NUF2: variants seen among roughly 807,000 people sequenced by gnomAD.
The protein encoded by NUF2 is kinetochore protein Nuf2.
A neutral mutation model predicts 61.8 loss-of-function variants in NUF2; 34 were observed. The observed-to-expected ratio is 0.55, with a 90% CI of 0.42 to 0.73. The LOEUF (loss-of-function observed/expected upper bound fraction) is 0.73. Among genes scored for constraint, NUF2 ranks in the 30% least tolerant of loss-of-function variants. NUF2 has a pLI of 0.00. For missense variants in NUF2, 445 were observed against 539.1 expected (o/e 0.83, Z 1.73); for synonymous variants, 172 against 181.6 (o/e 0.95, Z 0.42).
chr1:163,345,546 A>C, intron 10 of NUF2, 132 bp from the exon 11 acceptor site: 1 of 739,926 alleles, frequency 1.4e-6, no homozygotes, highest in Non-Finnish European at 2.2e-6. Flanking sequence ...CTGACCTAGA[A>C]ATTTAATTGT....
chr1:163,328,809 A>G (rs776745859), intron 4 of NUF2, 37 bp from the exon 5 acceptor site: 54 of 1,316,400 alleles, frequency 4.1e-5, no homozygotes, highest in Non-Finnish European at 5.9e-5. Context: ...AATGTGCAAA[A>G]TACTTTTCAA....
Position 163,323,724 on chromosome 1 carries a change from G to GA in NUF2, c.-21+1521dup, listed in dbSNP as rs201121370. Among the ~76,000 whole-genome samples, 403 of 150,406 alleles carry GA rather than the reference G, an allele frequency of 2.7e-3. 4 individuals are homozygous for GA. The highest frequency in any genetic ancestry group is 0.01 in the Middle Eastern group (3 of 292). On this transcript the variant is annotated intron_variant, in intron 1 of 13. Transcript: ENST00000271452. Reference sequence around the variant, plus strand: ...TGACAAACTGAGACCCTGCCTCAAAGAAAAAAAAATAGACAAAACGTCCTA... The same window carrying GA: ...TGACAAACTGAGACCCTGCCTCAAAGAAAAAAAAAATAGACAAAACGTCCTA...
chr1:163,328,882 T>G lies in NUF2; in HGVS notation c.312T>G (p.Phe104Leu). Residue 104 changes from phenylalanine to leucine, a missense_variant, in exon 5 of 14, where the codon TTT becomes TTG. Transcript: ENST00000271452. ...SFLPICRVND[F>L]ETADILCPKA... is the part of the protein sequence containing the mutation. ...TGCCTATCTGCCGGGTGAATGACTT[T>G]GAGACTGCTGATATTCTATGTCCAA... 6.2e-7 allele frequency: 1 copy of G among 1,605,946 alleles called. No homozygotes were observed. Among genetic ancestry groups the G allele is most frequent in the Non-Finnish European group, 8.5e-7 (1 of 1,173,278 alleles).
At chr1:163,339,348 G>A (rs768503406) in intron 7 of NUF2, 33 bp from the exon 8 acceptor site, 2 of 1,294,634 alleles carry the variant, frequency 1.5e-6, no homozygotes, top group Non-Finnish European at 2.2e-6. Context: ...CAAAAGTGAA[G>A]AGCAGTATTT....
At chr1:163,323,561 C>T (rs867651208) in intron 1 of NUF2, among the ~76,000 whole-genome samples, 5 of 151,954 alleles carry the variant, frequency 3.3e-5, no homozygotes, top group Non-Finnish European at 7.4e-5. Flanking sequence ...TCCACACACA[C>T]ACAAATTAAC....
chr1:163,327,100 ACACACACACACACACACACAC>A (rs1411981014), intron 2 of NUF2, among the ~76,000 whole-genome samples: 48 of 145,310 alleles, frequency 3.3e-4, no homozygotes, highest in African/African-American at 9.5e-4. Flanking sequence ...TCCTGTGTTC[ACACACACACACACACACACAC>A]ACACACACAC....
chr1:163,326,243 T>A, intron 2 of NUF2, 69 bp downstream of exon 2: 1 of 1,491,706 alleles, frequency 6.7e-7, no homozygotes, highest in South Asian at 1.3e-5. Flanking sequence ...AGGTCTATTG[T>A]GTGGCAAGAA....
chr1:163,349,920 T>C (rs921368016), intron 13 of NUF2, among the ~76,000 whole-genome samples: 7 of 152,082 alleles, frequency 4.6e-5, no homozygotes, highest in Admixed American at 6.5e-5. Context: ...GTTTTTTTTT[T>C]TCTATACCTC....
intron 8 of NUF2, 105 bp from the exon 9 acceptor site, chr1:163,340,259 C>T: frequency 1.2e-6 from 1 of 818,898 alleles, no homozygotes; most frequent in East Asian, 2.5e-5. Flanking sequence ...AATATCTGAT[C>T]TAACACATTT....
At chr1:163,333,496 T>G (rs1334657800) in intron 5 of NUF2, among the ~76,000 whole-genome samples, 1 of 152,018 alleles carries the variant, frequency 6.6e-6, no homozygotes, top group Non-Finnish European at 1.5e-5. Flanking sequence ...CTCCATTTCC[T>G]GCCTTATTTT....
chr1:163,352,923 G>T (rs901512887), intron 13 of NUF2, among the ~76,000 whole-genome samples: 1 of 151,814 alleles, frequency 6.6e-6, no homozygotes, highest in African/African-American at 2.4e-5. Flanking sequence ...AGGTCCAGTA[G>T]AAACTATGTC....
At chr1:163,327,400 C>T (rs1650459205) in intron 2 of NUF2, 88 bp from the exon 3 acceptor site, 1 of 715,526 alleles carries the variant, frequency 1.4e-6, no homozygotes, top group South Asian at 1.8e-5. Context: ...TCTTTGCTTT[C>T]ATCGATTATA....
In NUF2 at chr1:163,326,140, A is replaced by G; in HGVS notation, c.89A>G (p.Asn30Ser). 3 of 1,612,990 alleles carry G rather than the reference A, an allele frequency of 1.9e-6. No individual in the cohort carries two copies. The highest frequency in any genetic ancestry group is 2.5e-6 in the Non-Finnish European group (3 of 1,179,370). The change falls in exon 2 of 14, where the codon AAC becomes AGC. Residue 30 changes from asparagine (N) to serine (S), a missense_variant. Transcript: ENST00000271452. ...ATCTTAACAGGAGCTGATGGTAAAA[A>G]CCTCACCAAGAATGATCTTTATCCA... is the stretch of plus-strand genomic sequence containing the variant. ...NKILTGADGK[N>S]LTKNDLYPNP...
intron 9 of NUF2, among the ~76,000 whole-genome samples, chr1:163,341,937 T>G (rs1006041482): frequency 5.9e-5 from 9 of 152,120 alleles, no homozygotes; most frequent in Admixed American, 2.6e-4. Context: ...GCCACTTATT[T>G]ATTTTTCAAG....
At chr1:163,351,015 T>C (rs1479570728) in intron 13 of NUF2, among the ~76,000 whole-genome samples, 1 of 152,204 alleles carries the variant, frequency 6.6e-6, no homozygotes, top group Non-Finnish European at 1.5e-5. Flanking sequence ...CCTTCAGACA[T>C]TTGAGGATAA....
intron 5 of NUF2, among the ~76,000 whole-genome samples, chr1:163,329,488 A>G (rs1329041502): frequency 6.6e-6 from 1 of 152,204 alleles, no homozygotes; most frequent in Non-Finnish European, 1.5e-5. Context: ...CAGGTTATAC[A>G]GGAAGCATGA....
chr1:163,335,939 A>G (rs563201212), intron 5 of NUF2, among the ~76,000 whole-genome samples: 1 of 152,226 alleles, frequency 6.6e-6, no homozygotes, highest in East Asian at 1.9e-4. Flanking sequence ...GATCTTTTTT[A>G]AAAAATCTTT....
chr1:163,349,431 G>C (rs1385982275), intron 13 of NUF2, among the ~76,000 whole-genome samples: 1 of 151,922 alleles, frequency 6.6e-6, no homozygotes, highest in African/African-American at 2.4e-5. Flanking sequence ...ATCTTTTGAA[G>C]TTTGATTTAT....
At chr1:163,345,585 T>C (rs1411463700) in intron 10 of NUF2, 93 bp from the exon 11 acceptor site, 5 of 1,116,812 alleles carry the variant, frequency 4.5e-6, no homozygotes, top group Non-Finnish European at 6.5e-6. Flanking sequence ...CAGTATTAAA[T>C]GTGGAAATTA....
Sources: gnomAD v4.1 joint callset for allele counts (sites outside exome capture counted in the v4.1 genomes callset) on GRCh38, gnomAD v4.1.1 for gene constraint, MANE v1.5 for transcripts, NCBI Gene and HGNC (gene_info 2026-07-23, HGNC 2026-07-21) for gene names.